Variants in NELL1 observed in about 807,000 individuals in gnomAD.
The protein encoded by NELL1 is protein kinase C-binding protein NELL1.
Under a neutral mutation model 107.4 loss-of-function variants are expected in NELL1, and 76 were observed. The ratio of observed to expected loss-of-function variants is 0.71; its 90% CI spans 0.59 to 0.86. NELL1 has a LOEUF of 0.86. Among genes scored for constraint, NELL1 ranks in the 40% least tolerant of loss-of-function variants. The pLI is 0.00. For synonymous variants in NELL1, 353 were observed against 341.2 expected (o/e 1.03, Z -0.38); for missense variants, 1,024 against 1,005.5 (o/e 1.02, Z -0.25).
At chr11:20,863,932 C>T (rs1185069057) in intron 4 of NELL1, among the ~76,000 whole-genome samples, 3 of 152,174 alleles carry the variant, frequency 2.0e-5, no homozygotes, top group Admixed American at 6.5e-5. Flanking sequence ...ACAGTGAAAC[C>T]CCGTCTCCAC....
intron 14 of NELL1, among the ~76,000 whole-genome samples, chr11:21,312,955 A>G (rs1455522763): frequency 6.6e-6 from 1 of 152,182 alleles, no homozygotes; most frequent in South Asian, 2.1e-4. Context: ...TCCCACCTGT[A>G]ATCCCAGCTA....
At chr11:20,984,371 A>C (rs796905731) in intron 12 of NELL1, among the ~76,000 whole-genome samples, 1 of 152,266 alleles carries the variant, frequency 6.6e-6, no homozygotes, top group African/African-American at 2.4e-5. Flanking sequence ...CTTAATTGCT[A>C]CCTGACTTTG....
chr11:20,988,151 T>C (rs543803110), intron 12 of NELL1, among the ~76,000 whole-genome samples: 1 of 152,296 alleles, frequency 6.6e-6, no homozygotes, highest in Non-Finnish European at 1.5e-5. Context: ...AGTGTTTCCT[T>C]AATGCAATAA....
chr11:21,450,845 T>C (rs1853558754), intron 15 of NELL1, among the ~76,000 whole-genome samples: 1 of 152,046 alleles, frequency 6.6e-6, no homozygotes, highest in African/African-American at 2.4e-5. Context: ...ATATATTGCT[T>C]ACTGAAATGC....
intron 2 of NELL1, among the ~76,000 whole-genome samples, chr11:20,717,799 T>C (rs1460943705): frequency 6.6e-6 from 1 of 152,154 alleles, no homozygotes; most frequent in Non-Finnish European, 1.5e-5. Context: ...TGTCCCCCAG[T>C]AAATAATAAA....
intron 13 of NELL1, among the ~76,000 whole-genome samples, chr11:21,152,555 C>T (rs1202893911): frequency 6.6e-6 from 1 of 152,090 alleles, no homozygotes; most frequent in Non-Finnish European, 1.5e-5. Flanking sequence ...AAGCTGAGGC[C>T]TATAATAATG....
intron 17 of NELL1, among the ~76,000 whole-genome samples, chr11:21,564,882 C>G (rs762246055): frequency 2.6e-5 from 4 of 151,832 alleles, no homozygotes; most frequent in Non-Finnish European, 5.9e-5. Flanking sequence ...AAACCTATTC[C>G]CAGAAACTGA....
chr11:21,421,991 T>A (rs1410376841), intron 15 of NELL1, among the ~76,000 whole-genome samples: 1 of 152,136 alleles, frequency 6.6e-6, no homozygotes, highest in Non-Finnish European at 1.5e-5. Context: ...GGGCCTGATA[T>A]ATTCAAAGTG....
At chr11:20,811,947 T>A (rs1857510072) in intron 3 of NELL1, among the ~76,000 whole-genome samples, 1 of 152,148 alleles carries the variant, frequency 6.6e-6, no homozygotes, top group Non-Finnish European at 1.5e-5. Context: ...TGCCTTATTA[T>A]TTAGGCTAGG....
At chr11:20,859,667 T>C (rs1164106341) in intron 4 of NELL1, among the ~76,000 whole-genome samples, 1 of 152,202 alleles carries the variant, frequency 6.6e-6, no homozygotes, top group African/African-American at 2.4e-5. Flanking sequence ...GAAGGTCTCA[T>C]TATAAACTAC....
chr11:21,405,261 T>C (rs148417791), intron 15 of NELL1, among the ~76,000 whole-genome samples: 1 of 152,178 alleles, frequency 6.6e-6, no homozygotes, highest in African/African-American at 2.4e-5. Flanking sequence ...ATTTCAATGA[T>C]GGCTTGTTCA....
rs1258959336 is a variant in NELL1 at position 21,018,881 on chromosome 11, G to A, written c.1300+58321G>A. The stretch of plus-strand genomic sequence containing the variant: ...TATTCATTTCTCATCTGCAGAGGCT[G>A]CTTCCTATTCAGCTCTGTGTTCTAC... On this transcript the variant is annotated intron_variant, in intron 12 of 19. Transcript: ENST00000357134. 4.6e-5 allele frequency among the ~76,000 whole-genome samples: 7 copies of A among 152,126 alleles called. No individual in the cohort carries two copies. In the East Asian group the frequency reaches 1.2e-3, roughly 25 times the overall value.
intron 15 of NELL1, among the ~76,000 whole-genome samples, chr11:21,499,865 C>A (rs1003370680): frequency 6.6e-6 from 1 of 152,060 alleles, no homozygotes; most frequent in Admixed American, 6.6e-5. Context: ...AGTCTTATTA[C>A]ATTTCAAACT....
At chr11:21,215,830 G>T (rs544730091) in intron 13 of NELL1, among the ~76,000 whole-genome samples, 2 of 152,272 alleles carry the variant, frequency 1.3e-5, no homozygotes, top group Non-Finnish European at 2.9e-5. Flanking sequence ...ATAATTTGCA[G>T]CCTGACAATG....
At chr11:20,899,448 A>G (rs1489981858) in intron 5 of NELL1, among the ~76,000 whole-genome samples, 1 of 152,188 alleles carries the variant, frequency 6.6e-6, no homozygotes, top group Non-Finnish European at 1.5e-5. Flanking sequence ...AAGATAATAA[A>G]TATCACAATT....
At chr11:20,820,966 T>A (rs1054369872) in intron 3 of NELL1, among the ~76,000 whole-genome samples, 1 of 152,238 alleles carries the variant, frequency 6.6e-6, no homozygotes, top group Non-Finnish European at 1.5e-5. Flanking sequence ...GAAACTTTAT[T>A]TGGCTTGTTC....
At chr11:21,227,940 A>G (rs1857936425) in intron 13 of NELL1, among the ~76,000 whole-genome samples, 1 of 152,214 alleles carries the variant, frequency 6.6e-6, no homozygotes, top group Non-Finnish European at 1.5e-5. Context: ...AATTTAAAAT[A>G]AAAATAAATG....
At chr11:21,491,054 G>A (rs1354354887) in intron 15 of NELL1, among the ~76,000 whole-genome samples, 1 of 152,010 alleles carries the variant, frequency 6.6e-6, no homozygotes, top group Non-Finnish European at 1.5e-5. Context: ...GTCTATCCAA[G>A]GGACTAACAT....
At chr11:20,961,199 C>T (rs182428542) in intron 12 of NELL1, among the ~76,000 whole-genome samples, 11 of 152,184 alleles carry the variant, frequency 7.2e-5, no homozygotes, top group Admixed American at 3.9e-4. Context: ...AAGAGAGCAC[C>T]GTTTTTTCAG....
Sources: gnomAD v4.1 joint callset for allele counts (sites outside exome capture counted in the v4.1 genomes callset) on GRCh38, gnomAD v4.1.1 for gene constraint, MANE v1.5 for transcripts, NCBI Gene and HGNC (gene_info 2026-07-23, HGNC 2026-07-21) for gene names.